Variants in LRRTM4 observed in about 807,000 individuals in gnomAD.
LRRTM4 encodes the protein leucine rich repeat transmembrane neuronal 4.
A neutral mutation model predicts 47.6 loss-of-function variants in LRRTM4; 25 were observed. The observed-to-expected ratio is 0.53, with a 90% CI of 0.38 to 0.73. The LOEUF (loss-of-function observed/expected upper bound fraction) is 0.73, where lower values mean the gene tolerates loss of function less well. Among genes scored for constraint, LRRTM4 ranks in the 30% least tolerant of loss-of-function variants. The probability of loss-of-function intolerance (pLI) is 0.00; values close to 1 mark genes in which losing one functional copy is unlikely to be tolerated. For missense variants in LRRTM4, 638 were observed against 713.4 expected (o/e 0.89, Z 1.20); for synonymous variants, 311 against 269.5 (o/e 1.15, Z -1.51).
chr2:77,074,757 A>T (rs1680276849), intron 3 of LRRTM4, among the ~76,000 whole-genome samples: 1 of 152,176 alleles, frequency 6.6e-6, no homozygotes, highest in Non-Finnish European at 1.5e-5. Flanking sequence ...TGACTTTCTA[A>T]ATCAAGAAGT....
At chr2:77,137,872 CAAAG>C (rs1671996253) in intron 3 of LRRTM4, among the ~76,000 whole-genome samples, 1 of 152,026 alleles carries the variant, frequency 6.6e-6, no homozygotes, top group Admixed American at 6.6e-5. Flanking sequence ...TCAAAAGAGA[CAAAG>C]AAGGCCATTA....
Position 77,093,435 on chromosome 2 carries a change from T to C in LRRTM4, c.1552-344519A>G, listed in dbSNP as rs372872720. On this transcript the variant is annotated intron_variant, in intron 3 of 3. Transcript: ENST00000409884. ...GTATCCAGGCCATGACCAATCATTC[T>C]ATACGACAAATGTTTCTTCTAACAT... 4.3e-3 allele frequency among the ~76,000 whole-genome samples: 641 copies of C among 149,752 alleles called. 5 individuals carry two copies. The highest frequency in any genetic ancestry group is 0.015 in the African/African-American group (576 of 39,214).
At chr2:77,075,971 A>T (rs970342013) in intron 3 of LRRTM4, among the ~76,000 whole-genome samples, 19 of 148,094 alleles carry the variant, frequency 1.3e-4, no homozygotes, top group African/African-American at 4.7e-4. Context: ...CTGGTTTCTG[A>T]TAAGGTCATT....
chr2:77,224,049 G>A (rs7421302), intron 3 of LRRTM4, among the ~76,000 whole-genome samples: 102,643 of 149,510 alleles, frequency 0.69, 35,914 homozygotes, highest in African/African-American at 0.84. Flanking sequence ...CCTCAGAAAT[G>A]ATGCCGCATA....
At chr2:77,244,427 T>A (rs1573132455) in intron 3 of LRRTM4, among the ~76,000 whole-genome samples, 1 of 152,196 alleles carries the variant, frequency 6.6e-6, no homozygotes, top group African/African-American at 2.4e-5. Flanking sequence ...TTTTATTTAA[T>A]GTTATTCTAA....
intron 3 of LRRTM4, among the ~76,000 whole-genome samples, chr2:77,348,043 A>ACG (rs1671632497): frequency 6.6e-6 from 1 of 151,802 alleles, no homozygotes; most frequent in South Asian, 2.1e-4. Flanking sequence ...ACACACACAC[A>ACG]CACACATATT....
At chr2:77,075,317 T>C (rs1164476378) in intron 3 of LRRTM4, among the ~76,000 whole-genome samples, 1 of 152,198 alleles carries the variant, frequency 6.6e-6, no homozygotes, top group African/African-American at 2.4e-5. Context: ...CACAAATTAA[T>C]TGGAAGTCTG....
intron 3 of LRRTM4, among the ~76,000 whole-genome samples, chr2:77,501,080 A>G (rs1034747691): frequency 1.3e-5 from 2 of 151,074 alleles, no homozygotes; most frequent in African/African-American, 4.8e-5. Flanking sequence ...GGCAATAGAA[A>G]ACAAGATAGT....
At chr2:76,883,873 T>A (rs1226060297) in intron 3 of LRRTM4, among the ~76,000 whole-genome samples, 1 of 152,152 alleles carries the variant, frequency 6.6e-6, no homozygotes, top group East Asian at 1.9e-4. Flanking sequence ...ATTTTATTGG[T>A]ACCTGATTTA....
intron 3 of LRRTM4, among the ~76,000 whole-genome samples, chr2:77,020,176 T>C (rs541733904): frequency 7.0e-5 from 7 of 100,212 alleles, no homozygotes; most frequent in African/African-American, 5.0e-4. Flanking sequence ...ATAAGTAGTA[T>C]TAATAAAAAA....
intron 3 of LRRTM4, among the ~76,000 whole-genome samples, chr2:77,467,235 A>T (rs565244286): frequency 1.3e-5 from 2 of 152,160 alleles, no homozygotes; most frequent in Admixed American, 1.3e-4. Flanking sequence ...GGGCCTGGTG[A>T]TCAGCACAGT....
chr2:76,842,121 G>C (rs1305382744), intron 3 of LRRTM4, among the ~76,000 whole-genome samples: 1 of 152,170 alleles, frequency 6.6e-6, no homozygotes, highest in African/African-American at 2.4e-5. Context: ...CCCATTATGG[G>C]TGGGCAACAT....
chr2:77,274,461 T>A (rs537244851), intron 3 of LRRTM4, among the ~76,000 whole-genome samples: 1 of 152,254 alleles, frequency 6.6e-6, no homozygotes, highest in Admixed American at 6.5e-5. Context: ...TTTTTTTATT[T>A]AAAGAACTAA....
intron 3 of LRRTM4, among the ~76,000 whole-genome samples, chr2:76,819,291 G>C (rs1333715739): frequency 6.6e-6 from 1 of 151,658 alleles, no homozygotes; most frequent in Non-Finnish European, 1.5e-5. Flanking sequence ...TCATTATACA[G>C]ATGAGGAAAC....
intron 3 of LRRTM4, among the ~76,000 whole-genome samples, chr2:76,907,585 T>G (rs910355196): frequency 7.1e-6 from 1 of 141,148 alleles, no homozygotes; most frequent in Non-Finnish European, 1.5e-5. Flanking sequence ...ACAAAATTGA[T>G]AGACCACTAG....
At chr2:77,309,331 A>G (rs558554481) in intron 3 of LRRTM4, among the ~76,000 whole-genome samples, 3 of 152,190 alleles carry the variant, frequency 2.0e-5, no homozygotes, top group Non-Finnish European at 4.4e-5. Context: ...ATGAGAAATA[A>G]ACTTCGTTGA....
chr2:76,797,136 G>C (rs532752030), intron 3 of LRRTM4, among the ~76,000 whole-genome samples: 52 of 152,120 alleles, frequency 3.4e-4, no homozygotes, highest in African/African-American at 1.1e-3. Flanking sequence ...TACTCCTCGA[G>C]AAGAGCTACT....
At chr2:76,911,918 T>A (rs1427277516) in intron 3 of LRRTM4, among the ~76,000 whole-genome samples, 1 of 118,894 alleles carries the variant, frequency 8.4e-6, no homozygotes, top group Non-Finnish European at 1.7e-5. Context: ...AAAGAGTGAG[T>A]TGTGGTATGT....
At chr2:77,019,320 T>C (rs1475606496) in intron 3 of LRRTM4, among the ~76,000 whole-genome samples, 2 of 151,438 alleles carry the variant, frequency 1.3e-5, no homozygotes, top group African/African-American at 4.8e-5. Context: ...TACTGATATC[T>C]TTGCCATTGT....
Sources: gnomAD v4.1 joint callset for allele counts (sites outside exome capture counted in the v4.1 genomes callset) on GRCh38, gnomAD v4.1.1 for gene constraint, MANE v1.5 for transcripts, NCBI Gene and HGNC (gene_info 2026-07-23, HGNC 2026-07-21) for gene names.